Variants in FHDC1 observed in about 807,000 individuals in gnomAD.
The protein encoded by FHDC1 is FH2 domain-containing protein 1.
A neutral mutation model predicts 52.6 loss-of-function variants in FHDC1; 25 were observed. The ratio of observed to expected loss-of-function variants is 0.48; its 90% CI spans 0.35 to 0.66. The LOEUF (loss-of-function observed/expected upper bound fraction) is 0.66. Ranked by LOEUF, FHDC1 falls within the 30% of genes least tolerant of loss-of-function variation. The pLI is 0.01. For missense variants in FHDC1, 1,459 were observed against 1,452.8 expected, an observed-to-expected ratio of 1.00 and a Z score of -0.07; for synonymous variants, 616 against 581.5, an observed-to-expected ratio of 1.06 and a Z score of -0.85.
At chr4:152,914,383 TTATG>T in the FHDC1 span, among the ~76,000 whole-genome samples, 5,855 of 152,254 alleles carry the variant, frequency 0.038, 362 homozygotes, top group African/African-American at 0.13. Context: ...TCTTAGTAGT[TTATG>T]TATGTTAAGT....
the FHDC1 span, among the ~76,000 whole-genome samples, chr4:152,924,335 G>A: frequency 6.6e-6 from 1 of 152,090 alleles, no homozygotes; most frequent in Non-Finnish European, 1.5e-5. Flanking sequence ...AGTTAGAATG[G>A]CAATCATTAA....
Position 152,943,399 on chromosome 4 carries a change from C to T in FHDC1, c.342C>T (p.Thr114=). The T allele has an allele frequency of 6.2e-7, 1 of 1,614,060 alleles. No homozygotes were observed. Among genetic ancestry groups the T allele is most frequent in the Non-Finnish European group, 8.5e-7 (1 of 1,180,028 alleles). ...CGGAGGAGCAAGTTCGAGGCAAAAC[C>T]AACATCTGGACCTTGGCAGCCAGGC... The part of the protein sequence containing the change: ...TIPEEQVRGK[T]NIWTLAARQE... Residue 114 remains threonine, a synonymous_variant, in exon 2 of 12, where the codon ACC becomes ACT. Coordinates refer to ENST00000511601, the MANE Select transcript of FHDC1 (RefSeq NM_001371116.1).
the FHDC1 span, chr4:152,916,871 A>G: frequency 6.6e-6 from 1 of 152,250 alleles, no homozygotes; most frequent in Non-Finnish European, 1.5e-5. Context: ...ATAGGAAAAC[A>G]TGCATTCACT....
At chr4:152,963,765 C>CTTTTT (rs1561211172) in intron 8 of FHDC1, among the ~76,000 whole-genome samples, 2 of 50,932 alleles carry the variant, frequency 3.9e-5, no homozygotes, top group African/African-American at 7.1e-5. Flanking sequence ...CTATCCATTG[C>CTTTTT]TTTGTTTTTT....
At chr4:152,971,412 C>A (rs1042548636) in intron 10 of FHDC1, among the ~76,000 whole-genome samples, 1 of 152,154 alleles carries the variant, frequency 6.6e-6, no homozygotes, top group African/African-American at 2.4e-5. Context: ...GCTGTGGCTG[C>A]TGTGGAGCCC....
At chr4:152,944,024 A>G (rs891834055) in intron 2 of FHDC1, among the ~76,000 whole-genome samples, 1 of 152,182 alleles carries the variant, frequency 6.6e-6, no homozygotes, top group Admixed American at 6.5e-5. Context: ...TTTCTCCTCT[A>G]GTTTTTATAT....
Position 152,949,100 on chromosome 4 carries a change from T to C in FHDC1, c.499-4399T>C, listed in dbSNP as rs190474567. On this transcript the variant is annotated intron_variant, in intron 2 of 11. Transcript: ENST00000511601. ...CAAAACCTTGTCTCAGTAATAATAATAATAATAATAATAATAATAATAATA... is the reference window on the plus strand; with the variant it reads ...CAAAACCTTGTCTCAGTAATAATAACAATAATAATAATAATAATAATAATA... Among the ~76,000 whole-genome samples, 564 of 57,878 alleles carry C rather than the reference T, an allele frequency of 9.7e-3. 3 individuals are homozygous for C. The highest frequency in any genetic ancestry group is 0.038 in the Middle Eastern group (5 of 130). The allele number at this position is 57,878 out of a possible 152,430, so 38.0% of individuals were successfully genotyped here.
At chr4:152,930,962 AACACACAC>A in the FHDC1 span, among the ~76,000 whole-genome samples, 29 of 104,818 alleles carry the variant, frequency 2.8e-4, no homozygotes, top group East Asian at 1.2e-3. Flanking sequence ...TCCCCAGGGA[AACACACAC>A]ACACACACAC....
At chr4:152,926,305 A>AG in the FHDC1 span, among the ~76,000 whole-genome samples, 1,303 of 113,052 alleles carry the variant, frequency 0.012, 12 homozygotes, top group South Asian at 0.019. Flanking sequence ...CACACACACA[A>AG]ACAATACACA....
chr4:152,926,267 GACACACACACACACAC>G, the FHDC1 span, among the ~76,000 whole-genome samples: 5 of 144,440 alleles, frequency 3.5e-5, no homozygotes, highest in South Asian at 4.5e-4. Context: ...TTAAAATACA[GACACACACACACACAC>G]ACACACACAC....
In FHDC1 at chr4:152,976,769, C is replaced by G. The variant is rs770376386; in HGVS notation, c.*46C>G. On this transcript the variant is annotated 3_prime_UTR_variant, in exon 12 of 12. Transcript: ENST00000511601. ...CCTCCTGGGATTCAGACGGTGAAGA[C>G]TGACTTCTGGGACGAGGATGGGGAA... The G allele has an allele frequency of 2.1e-6, 3 of 1,448,048 alleles. No homozygotes were observed. In the South Asian group the frequency reaches 4.5e-5, roughly 22 times the overall value. 89.7% of individuals were successfully genotyped at this position (1,448,048 alleles called of 1,614,324 possible). A position where few individuals can be genotyped will look rare whatever the true frequency, so the allele number is the denominator to read the frequency against.
chr4:152,955,496 G>T (rs903929061), intron 4 of FHDC1, among the ~76,000 whole-genome samples: 1 of 152,090 alleles, frequency 6.6e-6, no homozygotes, highest in African/African-American at 2.4e-5. Flanking sequence ...AGTAATAGAT[G>T]ACTTTCTTTT....
the FHDC1 span, among the ~76,000 whole-genome samples, chr4:152,912,935 A>G: frequency 6.6e-6 from 1 of 152,206 alleles, no homozygotes; most frequent in Non-Finnish European, 1.5e-5. Context: ...CACACTGATA[A>G]TGTTACTGAA....
chr4:152,912,603 A>T, the FHDC1 span, among the ~76,000 whole-genome samples: 1 of 152,194 alleles, frequency 6.6e-6, no homozygotes, highest in Non-Finnish European at 1.5e-5. Context: ...GTACCTGTTT[A>T]GTATATTTTT....
chr4:152,958,987 A>G (rs1292006146), intron 4 of FHDC1, among the ~76,000 whole-genome samples: 1 of 152,244 alleles, frequency 6.6e-6, no homozygotes, highest in Admixed American at 6.5e-5. Flanking sequence ...TTTTCAAATA[A>G]TTGAGGTAGA....
At chr4:152,954,196 G>T (rs1245842921) in intron 3 of FHDC1, 21 bp from the exon 4 acceptor site, 1 of 1,597,706 alleles carries the variant, frequency 6.3e-7, no homozygotes, top group African/African-American at 1.3e-5. Flanking sequence ...GAAATGGAAT[G>T]TGATTCATTG....
At chr4:152,931,953 AAAAAAAAAAAAC>A (rs1561197732), upstream of FHDC1, among the ~76,000 whole-genome samples, 1 of 117,886 alleles carries the variant, frequency 8.5e-6, no homozygotes, top group Non-Finnish European at 1.9e-5. Context: ...AAAAAAAAAA[AAAAAAAAAAAAC>A]TTCAAAAATC....
Position 152,962,820 on chromosome 4 carries a change from T to C in FHDC1, c.857T>C (p.Met286Thr). 6.2e-7 allele frequency: 1 copy of C among 1,614,052 alleles called. No individual in the cohort carries two copies. The highest frequency in any genetic ancestry group is 8.5e-7 in the Non-Finnish European group (1 of 1,179,924). ...TVLRTAIKEL[M>T]SCEELHSILH... is the part of the protein sequence containing the mutation. ...GATGTGTTCTTTTTGATAGAACTGA[T>C]GTCATGTGAAGAGCTACATTCAATA... is the stretch of plus-strand genomic sequence containing the variant. Residue 286 changes from methionine to threonine, a missense_variant, in exon 7 of 12, where the codon ATG (methionine) becomes ACG (threonine). By Grantham distance (81) the Met-to-Thr change is moderately conservative. Coordinates refer to ENST00000511601, the MANE Select transcript of FHDC1 (RefSeq NM_001371116.1).
At chr4:152,963,218 G>C (rs1740338506) in intron 8 of FHDC1, 88 bp downstream of exon 8, 1 of 1,174,982 alleles carries the variant, frequency 8.5e-7, no homozygotes, top group East Asian at 2.3e-5. Flanking sequence ...ATGGTGTCCA[G>C]CAGGGTTAGG....
Sources: gnomAD v4.1 joint callset for allele counts (sites outside exome capture counted in the v4.1 genomes callset) on GRCh38, gnomAD v4.1.1 for gene constraint, MANE v1.5 for transcripts, NCBI Gene and HGNC (gene_info 2026-07-23, HGNC 2026-07-21) for gene names.